IGSF9B: variants seen among roughly 807,000 people sequenced by gnomAD.
The protein encoded by IGSF9B is protein turtle homolog B.
A neutral mutation model predicts 143.7 loss-of-function variants in IGSF9B; 48 were observed. That is an observed-to-expected ratio of 0.33 (90% confidence interval 0.26 to 0.42). The LOEUF (loss-of-function observed/expected upper bound fraction) is 0.42. Among genes scored for constraint, IGSF9B ranks in the 20% least tolerant of loss-of-function variants. The pLI, the probability that IGSF9B is intolerant of heterozygous loss-of-function variation, is 1.00. For missense variants in IGSF9B, 1,706 were observed against 1,980.0 expected (o/e 0.86, Z 2.63); for synonymous variants, 903 against 833.1 (o/e 1.08, Z -1.44).
rs763577077 is a variant in IGSF9B, at chr11:133,921,138, C to T, written c.2587G>A (p.Ala863Thr). ...CTCTTCAGCGAGGGCTCCATCTCGG[C>T]AGGGTCCATCACGAAGCGGCCGTCA... ...GPDGRFVMDP[A>T]EMEPSLKSRR... Residue 863 changes from alanine (A) to threonine (T), a missense_variant, in exon 18 of 20, where the codon GCC (alanine) becomes ACC (threonine). Ala to Thr is a moderately conservative substitution (Grantham distance 58, BLOSUM62 0). Coordinates refer to ENST00000533871, the MANE Select transcript of IGSF9B (RefSeq NM_001277285.4). 5.6e-6 allele frequency: 9 copies of T among 1,613,412 alleles called. No individual in the cohort carries two copies. Among genetic ancestry groups the T allele is most frequent in the Non-Finnish European group, 7.6e-6 (9 of 1,179,804 alleles).
intron 1 of IGSF9B, 61 bp downstream of exon 1, chr11:133,956,630 C>A: frequency 8.6e-7 from 1 of 1,161,432 alleles, no homozygotes; most frequent in Non-Finnish European, 1.2e-6. Flanking sequence ...ACCGAGGGGC[C>A]GGGCGCGAGG....
intron 18 of IGSF9B, 85 bp from the exon 19 acceptor site, chr11:133,912,092 G>A: frequency 1.4e-6 from 2 of 1,440,794 alleles, no homozygotes; most frequent in Non-Finnish European, 1.8e-6. Flanking sequence ...CCAAGTAGCT[G>A]ACCCACAGAA....
At chr11:133,930,230 C>T (rs1939697844) in intron 11 of IGSF9B, among the ~76,000 whole-genome samples, 1 of 152,162 alleles carries the variant, frequency 6.6e-6, no homozygotes, top group Admixed American at 6.5e-5. Flanking sequence ...CAGTTAGGAG[C>T]CCCATCCTGG....
At chr11:133,916,061 G>A (rs533753947) in intron 18 of IGSF9B, among the ~76,000 whole-genome samples, 1 of 152,282 alleles carries the variant, frequency 6.6e-6, no homozygotes, top group African/African-American at 2.4e-5. Flanking sequence ...ACCCAGGACA[G>A]GGGCCACTCC....
At chr11:133,936,490 G>A (rs1939826843) in intron 5 of IGSF9B, among the ~76,000 whole-genome samples, 4 of 152,182 alleles carry the variant, frequency 2.6e-5, no homozygotes, top group Admixed American at 2.6e-4. Context: ...TTCAAATCTA[G>A]AGCGAGGAAT....
chr11:133,933,982 G>GTT (rs35234689), intron 7 of IGSF9B, among the ~76,000 whole-genome samples: 94 of 145,462 alleles, frequency 6.5e-4, no homozygotes, highest in Non-Finnish European at 4.1e-4. Flanking sequence ...GTATGGTAGA[G>GTT]TTTTTTTTTT....
rs774338750 is a variant in IGSF9B at position 133,919,795 on chromosome 11, C to A, written c.3930G>T (p.Thr1310=). The A allele has an allele frequency of 1.3e-6, 2 of 1,504,518 alleles. No homozygotes were observed. The highest frequency in any genetic ancestry group is 1.8e-6 in the Non-Finnish European group (2 of 1,124,408). The allele number at this position is 1,504,518 out of a possible 1,614,324, so 93.2% of individuals were successfully genotyped here. A position where few individuals can be genotyped will look rare whatever the true frequency, so the allele number is the denominator to read the frequency against. The change falls in exon 18 of 20, where the codon ACG becomes ACT. Residue 1310 remains threonine (T), a synonymous_variant. Coordinates refer to ENST00000533871, the MANE Select transcript of IGSF9B (RefSeq NM_001277285.4). ...TCTCCGGTCGGAGCAATTCCTCCCC[C>A]GTCCTTCGAGGGGAAGGCGTCTGTC... ...VFGQTPSPRR[T]GEELLRPETP...
At chr11:133,944,102 G>C (rs1042288818) in intron 3 of IGSF9B, 118 bp downstream of exon 3, 3 of 1,113,290 alleles carry the variant, frequency 2.7e-6, no homozygotes, top group East Asian at 5.2e-5. Flanking sequence ...AACAAGGAGG[G>C]GGGCAGGGGG....
intron 3 of IGSF9B, among the ~76,000 whole-genome samples, chr11:133,942,856 T>C (rs971427967): frequency 3.5e-4 from 53 of 152,178 alleles, no homozygotes; most frequent in African/African-American, 1.1e-3. Flanking sequence ...TTGGGACTGA[T>C]TGACAGGAGC....
rs2076364088 is a variant in IGSF9B, at chr11:133,896,998, C to A, written c.*12071G>T. The A allele has an allele frequency of 6.6e-6, 1 of 152,322 alleles. No homozygotes were observed. Among genetic ancestry groups the A allele is most frequent in the African/African-American group, 2.4e-5 (1 of 41,452 alleles). 9.4% of individuals were successfully genotyped at this position (152,322 alleles called of 1,614,324 possible). ...GCCCAGGGTCCCTGCAGGAAGAACC[C>A]TCTTCCCCAGGAAAGCAAGGAAGGG... On this transcript the variant is annotated 3_prime_UTR_variant, in exon 20 of 20. Coordinates refer to ENST00000533871, the MANE Select transcript of IGSF9B (RefSeq NM_001277285.4).
chr11:133,909,065 G>T lies in IGSF9B; in HGVS notation c.*4C>A. On this transcript the variant is annotated 3_prime_UTR_variant, in exon 20 of 20. Transcript: ENST00000533871. The surrounding 1 kb of genome is among the most constrained non-coding windows in gnomAD (Gnocchi z 4.2). ...GCCCCGGGGACACCTAGAGTGGGGT[G>T]GAGTCACAGCAAAGTGGCATGTCCT... The T allele has an allele frequency of 6.5e-7, 1 of 1,534,570 alleles. No individual in the cohort carries two copies. Among genetic ancestry groups the T allele is most frequent in the East Asian group, 2.4e-5 (1 of 40,884 alleles).
chr11:133,950,126 T>C (rs1940131249), intron 1 of IGSF9B, among the ~76,000 whole-genome samples: 1 of 152,172 alleles, frequency 6.6e-6, no homozygotes, highest in Admixed American at 6.5e-5. Context: ...AGGGCTGCCG[T>C]TGGACCCCTG....
intron 18 of IGSF9B, among the ~76,000 whole-genome samples, chr11:133,918,211 C>T (rs975288252): frequency 1.3e-5 from 2 of 152,056 alleles, no homozygotes; most frequent in African/African-American, 4.8e-5. Flanking sequence ...GCCGAAGCCC[C>T]GTCCGCCTGC....
At chr11:133,954,964 C>T (rs1565455303) in intron 1 of IGSF9B, among the ~76,000 whole-genome samples, 1 of 152,240 alleles carries the variant, frequency 6.6e-6, no homozygotes, top group Non-Finnish European at 1.5e-5. Context: ...AGTATAAACT[C>T]ACATTCCTTT....
In IGSF9B at chr11:133,928,511, G is replaced by C. The variant is rs1174549079; in HGVS notation, c.1631+1160C>G. On this transcript the variant is annotated intron_variant, in intron 12 of 19. Transcript: ENST00000533871. The surrounding 1 kb of genome is among the most constrained non-coding windows in gnomAD (Gnocchi z 4.7). ...CCCTGAACCCCCTGAGCTGCCCCAG[G>C]TGCCTGCCTTTTCCCCCTCCCCTCG... is the stretch of plus-strand genomic sequence containing the variant. Among the ~76,000 whole-genome samples the C allele has an allele frequency of 6.6e-6, 1 of 152,130 alleles. No homozygotes were observed. Among genetic ancestry groups the C allele is most frequent in the African/African-American group, 2.4e-5 (1 of 41,438 alleles).
At chr11:133,927,851 C>T (rs1939655315) in intron 12 of IGSF9B, among the ~76,000 whole-genome samples, 1 of 152,122 alleles carries the variant, frequency 6.6e-6, no homozygotes, top group Admixed American at 6.5e-5. Context: ...CTGGTGGGTG[C>T]CCTCCAGGAT....
At chr11:133,951,941 G>A (rs1445360013) in intron 1 of IGSF9B, 1 of 421,172 alleles carries the variant, frequency 2.4e-6, no homozygotes, top group South Asian at 1.7e-5. Flanking sequence ...ACCTCGTACA[G>A]TCTGTGCCTG....
intron 3 of IGSF9B, 107 bp downstream of exon 3, chr11:133,944,113 T>A: frequency 1.7e-6 from 2 of 1,208,670 alleles, no homozygotes; most frequent in Non-Finnish European, 2.3e-6. Context: ...GGGCAGGGGG[T>A]GAGATGCAGT....
intron 16 of IGSF9B, 83 bp from the exon 17 acceptor site, chr11:133,922,305 C>T (rs369500100): frequency 1.8e-5 from 23 of 1,287,258 alleles, no homozygotes; most frequent in East Asian, 9.7e-5. Context: ...CTGACAGAGC[C>T]GGAGCACCAC....
Sources: gnomAD v4.1 joint callset for allele counts (sites outside exome capture counted in the v4.1 genomes callset) on GRCh38, gnomAD v4.1.1 for gene constraint, Gnocchi (gnomAD v3.1) non-coding constraint, MANE v1.5 for transcripts, NCBI Gene and HGNC (gene_info 2026-07-23, HGNC 2026-07-21) for gene names.